RNF213: variants seen among roughly 807,000 people sequenced by gnomAD.
RNF213 encodes ring finger protein 213, also known as E3 ubiquitin-protein ligase RNF213.
A neutral mutation model predicts 514.4 loss-of-function variants in RNF213; 341 were observed. The observed-to-expected ratio is 0.66, with a 90% CI of 0.61 to 0.73. RNF213 has a LOEUF of 0.73. Among genes scored for constraint, RNF213 ranks in the 30% least tolerant of loss-of-function variants. RNF213 has a pLI of 0.00. For synonymous variants in RNF213, 2,655 were observed against 2,658.2 expected (o/e 1.00, Z 0.04); for missense variants, 5,767 against 6,615.6 (o/e 0.87, Z 4.45).
chr17:80,336,474 T>C, intron 23 of RNF213, 96 bp downstream of exon 23: 1 of 1,082,170 alleles, frequency 9.2e-7, no homozygotes, highest in Non-Finnish European at 1.4e-6. Context: ...CACACCTGTG[T>C]GGTAGGTTTG....
Position 80,353,362 on chromosome 17 carries a change from C to A in RNF213, c.10424-150C>A. ...TGCCTTGGGGGCTGATCTTCATGAC[C>A]GTGATCTCTCATCTGGGGACCTAGC... On this transcript the variant is annotated intron_variant, in intron 33 of 67. Coordinates refer to ENST00000582970, the MANE Select transcript of RNF213 (RefSeq NM_001256071.3). This position sits in a 1 kb window ranked among gnomAD's most constrained non-coding sequence, Gnocchi z 5.0. The A allele has an allele frequency of 3.2e-6, 3 of 945,530 alleles. No homozygotes were observed. Among genetic ancestry groups the A allele is most frequent in the Non-Finnish European group, 4.9e-6 (3 of 608,258 alleles). 58.6% of individuals were successfully genotyped at this position (945,530 alleles called of 1,614,324 possible).
In RNF213 at chr17:80,309,190, C is replaced by T; in HGVS notation, c.2655+19C>T. On this transcript the variant is annotated intron_variant, in intron 14 of 67. Transcript: ENST00000582970. ...TCTGGTGGTAAGTGGAGTCAACACA[C>T]AAGGTATCACACCCGGGATAGGTGC... The T allele has an allele frequency of 6.2e-7, 1 of 1,614,080 alleles. No homozygotes were observed. Among genetic ancestry groups the T allele is most frequent in the Non-Finnish European group, 8.5e-7 (1 of 1,179,962 alleles).
At position 80,367,982 on chromosome 17, in the gene RNF213, C is replaced by T. The variant is rs1159663520; in HGVS notation, c.11994C>T (p.Ser3998=). The change falls in exon 44 of 68, where the codon TCC becomes TCT. Residue 3998 remains serine (S), a synonymous_variant. Transcript: ENST00000582970. ...TLSRFGIQPC[S]ICLGDAKDPV... is the part of the protein sequence containing the mutation. ...CTAGGTTTGGGATTCAGCCGTGCTCCATCTGCCTGGGAGATGCAAAGGACC... is the reference window on the plus strand; with the variant it reads ...CTAGGTTTGGGATTCAGCCGTGCTCTATCTGCCTGGGAGATGCAAAGGACC... 3.1e-6 allele frequency: 5 copies of T among 1,614,140 alleles called. No individual in the cohort carries two copies. Among genetic ancestry groups the T allele is most frequent in the African/African-American group, 1.3e-5 (1 of 74,954 alleles).
chr17:80,395,279 T>A lies in RNF213; in HGVS notation c.*1781T>A, dbSNP rs1255268788. The A allele has an allele frequency of 6.6e-6, 1 of 152,122 alleles. No individual in the cohort carries two copies. Among genetic ancestry groups the A allele is most frequent in the East Asian group, 1.9e-4 (1 of 5,206 alleles). The allele number at this position is 152,122 out of a possible 1,614,324, so 9.4% of individuals were successfully genotyped here. A position where few individuals can be genotyped will look rare whatever the true frequency, so the allele number is the denominator to read the frequency against. ...TGAATTTTATTTTACTTGTCACACC[T>A]GTCTTAATAAACTGGAGTTTTGCTG... On this transcript the variant is annotated 3_prime_UTR_variant, in exon 68 of 68. Coordinates refer to ENST00000582970, the MANE Select transcript of RNF213 (RefSeq NM_001256071.3).
At position 80,360,364 on chromosome 17, in the gene RNF213, C is replaced by T. The variant is rs1047505031; in HGVS notation, c.11200+158C>T. 4.3e-5 allele frequency: 35 copies of T among 811,886 alleles called. No homozygotes were observed. The African/African-American group carries it at 5.3e-4, about 12-fold the overall frequency. 50.3% of individuals were successfully genotyped at this position (811,886 alleles called of 1,614,324 possible). A position where few individuals can be genotyped will look rare whatever the true frequency, so the allele number is the denominator to read the frequency against. On this transcript the variant is annotated intron_variant, in intron 38 of 67. Transcript: ENST00000582970. Reference sequence around the variant, plus strand: ...GCAGTAAGCGTCCAATTTACGTCACCGCGTCATTTTAAAGTTTCTGCTGAA... The same window carrying T: ...GCAGTAAGCGTCCAATTTACGTCACTGCGTCATTTTAAAGTTTCTGCTGAA...
chr17:80,314,343 G>A (rs111211104), intron 15 of RNF213, among the ~76,000 whole-genome samples: 1,655 of 7,766 alleles, frequency 0.21, 452 homozygotes, highest in African/African-American at 0.35. Flanking sequence ...GGTGGTGGTG[G>A]TGGTGGAGGT....
Position 80,339,906 on chromosome 17 carries a change from G to A in RNF213, c.5539G>A (p.Val1847Ile), listed in dbSNP as rs772749848. ...CGAGGTGTTGCCAGCCGCCCTGGCT[G>A]TCTACATGCAAACCCCAAGCCAGCC... ...HSEVLPAALA[V>I]YMQTPSQPLP... Residue 1847 changes from valine to isoleucine, a missense_variant, in exon 26 of 68, where the codon GTC becomes ATC. Coordinates refer to ENST00000582970, the MANE Select transcript of RNF213 (RefSeq NM_001256071.3). 3.3e-6 allele frequency: 5 copies of A among 1,536,948 alleles called. No individual in the cohort carries two copies. The South Asian group carries it at 5.9e-5, about 18-fold the overall frequency.
At chr17:80,261,930 T>C (rs1011919081) in intron 1 of RNF213, among the ~76,000 whole-genome samples, 4 of 152,122 alleles carry the variant, frequency 2.6e-5, no homozygotes, top group Non-Finnish European at 4.4e-5. Context: ...GGCGGGAGAA[T>C]CGCTAGAGCC....
intron 67 of RNF213, among the ~76,000 whole-genome samples, chr17:80,390,656 C>CA (rs1327871545): frequency 1.3e-5 from 2 of 152,130 alleles, no homozygotes; most frequent in East Asian, 3.9e-4. Context: ...TTTGGCCTCT[C>CA]AAAGTGCTAG....
At position 80,360,077 on chromosome 17, in the gene RNF213, G is replaced by C; in HGVS notation, c.11071G>C (p.Ala3691Pro). 1 of 1,614,140 alleles carries C rather than the reference G, an allele frequency of 6.2e-7. No homozygotes were observed. The change falls in exon 38 of 68, where the codon GCC becomes CCC. Residue 3691 changes from alanine (A) to proline (P), a missense_variant. Physicochemically the swap from Ala to Pro is conservative, Grantham distance 27 (BLOSUM62 -1). Around this residue, in one of 13 missense-constraint regions of RNF213, gnomAD observed 919 missense variants for 1,121.0 expected, o/e 0.82. Coordinates refer to ENST00000582970, the MANE Select transcript of RNF213 (RefSeq NM_001256071.3). ...MNNERHKGEM[A>P]YIVVQNHMNL... is the part of the protein sequence containing the mutation. ...TTATTGCAGACATAAAGGTGAGATG[G>C]CCTACATCGTGGTGCAGAACCACAT...
chr17:80,364,346 T>A lies in RNF213; in HGVS notation c.11751-87T>A, dbSNP rs2079172576. 5.0e-6 allele frequency: 8 copies of A among 1,597,168 alleles called. No individual in the cohort carries two copies. In the South Asian group the frequency reaches 8.9e-5, roughly 18 times the overall value. Reference sequence around the variant, plus strand: ...CTGGGCCTGGACCCCGGGTCCCGCATCTCTTCTCCCGTCTCCCTCCTCGTT... The same window carrying A: ...CTGGGCCTGGACCCCGGGTCCCGCAACTCTTCTCCCGTCTCCCTCCTCGTT... On this transcript the variant is annotated intron_variant, in intron 41 of 67. Transcript: ENST00000582970.
chr17:80,294,927 G>T lies in RNF213; in HGVS notation c.1679G>T (p.Cys560Phe). 1 of 1,614,178 alleles carries T rather than the reference G, an allele frequency of 6.2e-7. No individual in the cohort carries two copies. ...TTCTTCACCCAGTTCGAGCAGTTTT[G>T]CTTTGTCCTGCAACAGCCTATGATT... ...NSFFTQFEQF[C>F]FVLQQPMIYE... Residue 560 changes from cysteine to phenylalanine, a missense_variant, in exon 9 of 68, where the codon TGC (cysteine) becomes TTC (phenylalanine). Physicochemically the swap from Cys to Phe is radical, Grantham distance 205. Transcript: ENST00000582970.
Position 80,343,452 on chromosome 17 carries a change from T to C in RNF213, c.6183+127T>C, listed in dbSNP as rs1181834980. 1.1e-6 allele frequency: 1 copy of C among 879,712 alleles called. No homozygotes were observed. The highest frequency in any genetic ancestry group is 2.6e-5 in the East Asian group (1 of 37,926). The allele number at this position is 879,712 out of a possible 1,614,324, so 54.5% of individuals were successfully genotyped here. ...CGCACAGTCCTGTGAAGCTTAACAGTGGGAATGTGCTCTGAGAAGTGTGTT... is the reference window on the plus strand; with the variant it reads ...CGCACAGTCCTGTGAAGCTTAACAGCGGGAATGTGCTCTGAGAAGTGTGTT... On this transcript the variant is annotated intron_variant, in intron 27 of 67. Transcript: ENST00000582970. This position sits in a 1 kb window ranked among gnomAD's most constrained non-coding sequence, Gnocchi z 4.3.
intron 2 of RNF213, among the ~76,000 whole-genome samples, chr17:80,265,759 G>A (rs984463490): frequency 9.9e-5 from 15 of 152,270 alleles, no homozygotes; most frequent in Admixed American, 4.6e-4. Flanking sequence ...AGGCATGCAG[G>A]GCGTCTGCTG....
chr17:80,299,209 T>C (rs1349349070), intron 11 of RNF213, among the ~76,000 whole-genome samples: 1 of 142,038 alleles, frequency 7.0e-6, no homozygotes, highest in Non-Finnish European at 1.5e-5. Context: ...AGCAAATTCT[T>C]GTCTATGTCT....
At chr17:80,279,192 T>C (rs1048026554) in intron 3 of RNF213, among the ~76,000 whole-genome samples, 40 of 152,342 alleles carry the variant, frequency 2.6e-4, no homozygotes, top group Admixed American at 6.5e-5. Context: ...TCCGTGCAGC[T>C]GTCCCCTTGG....
chr17:80,299,157 A>AT (rs2045078793), intron 11 of RNF213, among the ~76,000 whole-genome samples: 1 of 152,082 alleles, frequency 6.6e-6, no homozygotes, highest in Non-Finnish European at 1.5e-5. Context: ...TTACAACCTG[A>AT]TTTTTCCTCT....
At chr17:80,333,928 C>A in intron 21 of RNF213, 177 bp from the exon 22 acceptor site, 1 of 636,206 alleles carries the variant, frequency 1.6e-6, no homozygotes, top group Admixed American at 2.6e-5. Flanking sequence ...GAGAAACAGC[C>A]ATGGGGGTTT....
chr17:80,306,130 A>T, intron 11 of RNF213, 122 bp from the exon 12 acceptor site: 1 of 958,184 alleles, frequency 1.0e-6, no homozygotes. Context: ...GCCTGCCCTC[A>T]AGTAGTATTT....
Sources: allele counts gnomAD v4.1 joint callset (sites outside exome capture counted in the v4.1 genomes callset), GRCh38; gene constraint gnomAD v4.1.1; regional missense constraint gnomAD v4.1.1; non-coding constraint Gnocchi (gnomAD v3.1); transcripts MANE v1.5; gene names NCBI Gene and HGNC (gene_info 2026-07-23, HGNC 2026-07-21).